The following SUGCT variants were observed in gnomAD, a reference collection of about 807,000 sequenced individuals.
SUGCT encodes the protein succinyl-CoA:glutarate CoA-transferase.
In SUGCT, 41 loss-of-function variants were observed where a neutral mutation model predicts 55.0. The ratio of observed to expected loss-of-function variants is 0.74; its 90% confidence interval spans 0.58 to 0.97. The LOEUF (loss-of-function observed/expected upper bound fraction) is 0.97, where lower values mean the gene tolerates loss of function less well. SUGCT is among the 50% of genes least tolerant of loss of function. SUGCT has a pLI of 0.00. For missense variants in SUGCT, 568 were observed against 547.8 expected (o/e 1.04, Z -0.37); for synonymous variants, 187 against 200.4 (o/e 0.93, Z 0.56).
chr7:40,516,290 T>C (rs1485626443), intron 12 of SUGCT, among the ~76,000 whole-genome samples: 1 of 152,208 alleles, frequency 6.6e-6, no homozygotes, highest in Non-Finnish European at 1.5e-5. Context: ...CTGTAAGTTT[T>C]CTTTTCATTT....
intron 11 of SUGCT, among the ~76,000 whole-genome samples, chr7:40,470,132 C>A (rs1790328710): frequency 6.6e-6 from 1 of 152,036 alleles, no homozygotes; most frequent in Non-Finnish European, 1.5e-5. Flanking sequence ...TTCTGGCTGA[C>A]CTTATTTCGC....
intron 12 of SUGCT, among the ~76,000 whole-genome samples, chr7:40,650,170 C>G (rs1800708085): frequency 6.6e-6 from 1 of 152,170 alleles, no homozygotes; most frequent in African/African-American, 2.4e-5. Context: ...GTGGGTATCT[C>G]AGTTTTGCAG....
chr7:40,462,276 C>T (rs1309705556), intron 11 of SUGCT, among the ~76,000 whole-genome samples: 3 of 152,144 alleles, frequency 2.0e-5, no homozygotes, highest in East Asian at 3.9e-4. Context: ...AGATGAATTC[C>T]AGGCAGAGTT....
At chr7:40,214,939 G>A (rs1347989785) in intron 6 of SUGCT, among the ~76,000 whole-genome samples, 1 of 151,708 alleles carries the variant, frequency 6.6e-6, no homozygotes, top group Non-Finnish European at 1.5e-5. Flanking sequence ...AAGAAAGTGT[G>A]GATAAAGAGG....
intron 9 of SUGCT, among the ~76,000 whole-genome samples, chr7:40,419,430 T>C (rs1018738230): frequency 3.9e-5 from 6 of 152,218 alleles, no homozygotes; most frequent in Non-Finnish European, 1.5e-5. Context: ...AATTTTGGCT[T>C]GAATTGGAAG....
At chr7:40,360,209 T>G (rs887335513) in intron 9 of SUGCT, among the ~76,000 whole-genome samples, 12 of 152,218 alleles carry the variant, frequency 7.9e-5, no homozygotes, top group Non-Finnish European at 1.5e-4. Context: ...AGGCAGGGTT[T>G]TGCCATGTTG....
chr7:40,519,529 G>A (rs1434956792), intron 12 of SUGCT, among the ~76,000 whole-genome samples: 3 of 151,936 alleles, frequency 2.0e-5, no homozygotes, highest in Non-Finnish European at 4.4e-5. Flanking sequence ...CTGCATAAGA[G>A]ATGGCACAGA....
intron 13 of SUGCT, among the ~76,000 whole-genome samples, chr7:40,792,937 A>G (rs1471607227): frequency 6.6e-5 from 10 of 152,130 alleles, no homozygotes; most frequent in Admixed American, 4.6e-4. Context: ...TGGAGATTCT[A>G]TTCAGTAGAT....
the SUGCT span, among the ~76,000 whole-genome samples, chr7:41,014,863 AT>A: frequency 7.2e-5 from 11 of 152,294 alleles, no homozygotes; most frequent in Admixed American, 7.2e-4. Context: ...CTGACATAGC[AT>A]TTACAGTATC....
At chr7:40,632,601 C>G (rs1269069454) in intron 12 of SUGCT, among the ~76,000 whole-genome samples, 5 of 149,872 alleles carry the variant, frequency 3.3e-5, no homozygotes, top group Non-Finnish European at 7.4e-5. Context: ...CTGTTCTATG[C>G]CTGAGTAAGA....
the SUGCT span, among the ~76,000 whole-genome samples, chr7:40,994,785 T>G: frequency 1.3e-5 from 2 of 152,178 alleles, no homozygotes; most frequent in Non-Finnish European, 2.9e-5. Flanking sequence ...CACCATCCCT[T>G]TGGTGACAAG....
At chr7:40,457,619 G>A (rs1265536003) in intron 10 of SUGCT, among the ~76,000 whole-genome samples, 1 of 152,034 alleles carries the variant, frequency 6.6e-6, no homozygotes, top group Non-Finnish European at 1.5e-5. Context: ...GTTGTCTCTC[G>A]AAACATTTTG....
At chr7:40,314,041 T>C (rs1584654933) in intron 8 of SUGCT, among the ~76,000 whole-genome samples, 1 of 152,184 alleles carries the variant, frequency 6.6e-6, no homozygotes, top group Non-Finnish European at 1.5e-5. Flanking sequence ...TGCAAACAGT[T>C]TGAGAGATGA....
At chr7:40,242,929 ATATATTTTTT>A (rs1444840196) in intron 7 of SUGCT, among the ~76,000 whole-genome samples, 1 of 26,410 alleles carries the variant, frequency 3.8e-5, no homozygotes, top group Non-Finnish European at 7.1e-5. Context: ...ATATATATAT[ATATATTTTTT>A]TTTTTTTTTT....
At chr7:40,190,830 G>A (rs1358826466) in intron 5 of SUGCT, among the ~76,000 whole-genome samples, 2 of 152,010 alleles carry the variant, frequency 1.3e-5, no homozygotes, top group African/African-American at 4.8e-5. Context: ...TCCTGCAGTC[G>A]GCCCTGTGGA....
intron 6 of SUGCT, among the ~76,000 whole-genome samples, chr7:40,210,013 G>T (rs1056269182): frequency 1.3e-5 from 2 of 151,778 alleles, no homozygotes; most frequent in Non-Finnish European, 2.9e-5. Flanking sequence ...TCCAGAATCT[G>T]ACATGTTCTC....
the SUGCT span, among the ~76,000 whole-genome samples, chr7:40,996,456 T>G: frequency 0.016 from 2,396 of 152,264 alleles, 30 homozygotes; most frequent in Non-Finnish European, 0.025. Flanking sequence ...GAGCCTGTTC[T>G]TAGTTCTTTT....
At chr7:41,028,176 A>AG in the SUGCT span, among the ~76,000 whole-genome samples, 5 of 152,202 alleles carry the variant, frequency 3.3e-5, no homozygotes, top group Non-Finnish European at 5.9e-5. Context: ...ATCAGTGCAG[A>AG]GGGAACATGC....
the SUGCT span, among the ~76,000 whole-genome samples, chr7:40,982,441 T>G: frequency 3.3e-5 from 5 of 152,156 alleles, no homozygotes; most frequent in Non-Finnish European, 1.5e-5. Context: ...AAGTACTAGG[T>G]GAGTGGGTTC....
Sources: allele counts gnomAD v4.1 joint callset (sites outside exome capture counted in the v4.1 genomes callset), GRCh38; gene constraint gnomAD v4.1.1; transcripts MANE v1.5; gene names NCBI Gene and HGNC (gene_info 2026-07-23, HGNC 2026-07-21).